CDH12: variants seen among roughly 807,000 people sequenced by gnomAD.
The protein encoded by CDH12 is cadherin 12, also known as cadherin-12.
In CDH12, 41 loss-of-function variants were observed where a neutral mutation model predicts 74.1. The ratio of observed to expected loss-of-function variants is 0.55; its 90% CI spans 0.43 to 0.72. The LOEUF (loss-of-function observed/expected upper bound fraction) is 0.72, where lower values mean the gene tolerates loss of function less well. CDH12 is among the 30% of genes least tolerant of loss of function. CDH12 has a pLI of 0.00. For missense variants in CDH12, 945 were observed against 977.2 expected (o/e 0.97, Z 0.44); for synonymous variants, 399 against 355.0 (o/e 1.12, Z -1.39).
intron 1 of CDH12, among the ~76,000 whole-genome samples, chr5:22,687,866 T>C (rs934892699): frequency 2.1e-4 from 32 of 152,328 alleles, no homozygotes; most frequent in African/African-American, 7.0e-4. Context: ...AACTATGTAA[T>C]CAAAAAGAAC....
chr5:21,971,910 C>T (rs189330334), intron 6 of CDH12, among the ~76,000 whole-genome samples: 21 of 152,240 alleles, frequency 1.4e-4, no homozygotes, highest in Non-Finnish European at 2.6e-4. Context: ...TGATCTTTCT[C>T]TTAAACAATT....
At chr5:22,314,743 G>A (rs989404611) in intron 3 of CDH12, among the ~76,000 whole-genome samples, 4 of 151,952 alleles carry the variant, frequency 2.6e-5, no homozygotes, top group African/African-American at 4.8e-5. Flanking sequence ...ACAAGCTGAT[G>A]CAATGCAATA....
At chr5:22,697,571 C>CAAAA (rs397997008) in intron 1 of CDH12, among the ~76,000 whole-genome samples, 1 of 102,246 alleles carries the variant, frequency 9.8e-6, no homozygotes, top group African/African-American at 3.7e-5. Flanking sequence ...GACTCTGTCT[C>CAAAA]AAAAAAAAAA....
intron 1 of CDH12, among the ~76,000 whole-genome samples, chr5:22,642,662 T>A (rs1180516523): frequency 6.6e-6 from 1 of 152,162 alleles, no homozygotes; most frequent in East Asian, 1.9e-4. Flanking sequence ...TTGACCATTT[T>A]GTTATATTTT....
intron 2 of CDH12, among the ~76,000 whole-genome samples, chr5:22,459,591 C>T (rs1350569636): frequency 2.0e-5 from 3 of 152,132 alleles, no homozygotes; most frequent in Non-Finnish European, 2.9e-5. Flanking sequence ...ACTGACTTTG[C>T]CATAGCAGTA....
intron 3 of CDH12, among the ~76,000 whole-genome samples, chr5:22,282,722 AT>A (rs1736943567): frequency 6.6e-6 from 1 of 152,132 alleles, no homozygotes; most frequent in Non-Finnish European, 1.5e-5. Context: ...AATGATGATC[AT>A]TAAAAGTCAG....
At chr5:21,922,907 T>C (rs1754416577) in intron 6 of CDH12, among the ~76,000 whole-genome samples, 1 of 150,964 alleles carries the variant, frequency 6.6e-6, no homozygotes, top group Non-Finnish European at 1.5e-5. Context: ...TAGTAATAAA[T>C]ACAAGAATAA....
intron 3 of CDH12, among the ~76,000 whole-genome samples, chr5:22,256,023 A>C (rs1441681085): frequency 6.6e-6 from 1 of 152,252 alleles, no homozygotes; most frequent in South Asian, 2.1e-4. Flanking sequence ...CAGTCTTCAA[A>C]CCATCTTATA....
At chr5:22,713,768 G>A (rs1165655181) in intron 1 of CDH12, among the ~76,000 whole-genome samples, 1 of 152,086 alleles carries the variant, frequency 6.6e-6, no homozygotes, top group African/African-American at 2.4e-5. Flanking sequence ...TCAGTGCTTA[G>A]TCTTATAACA....
In CDH12 at chr5:22,435,524, G is replaced by GTATA. The variant is rs1554040614; in HGVS notation, c.-427-30177_-427-30174dup. Among the ~76,000 whole-genome samples the GTATA allele has an allele frequency of 2.3e-3, 345 of 148,792 alleles. 2 individuals are homozygous for GTATA. Among genetic ancestry groups the GTATA allele is most frequent in the South Asian group, 0.017 (79 of 4,672 alleles). On this transcript the variant is annotated intron_variant, in intron 2 of 14. Transcript: ENST00000382254. Reference sequence around the variant, plus strand: ...TGTGTGTGTGTGTGTGTGTGTGTGTGTATATACATATATACTATTAGTTCA... The same window carrying GTATA: ...TGTGTGTGTGTGTGTGTGTGTGTGTGTATATATATACATATATACTATTAGTTCA...
intron 3 of CDH12, among the ~76,000 whole-genome samples, chr5:22,386,504 A>T (rs1233037835): frequency 6.6e-6 from 1 of 152,180 alleles, no homozygotes; most frequent in African/African-American, 2.4e-5. Context: ...GTCTTGAATA[A>T]AGTCTTTCTT....
At chr5:22,502,540 A>C (rs1736215552) in intron 2 of CDH12, among the ~76,000 whole-genome samples, 1 of 152,154 alleles carries the variant, frequency 6.6e-6, no homozygotes, top group Admixed American at 6.6e-5. Flanking sequence ...TAATTTCCTA[A>C]GAAATTATAC....
chr5:22,780,177 G>A (rs1242072458), intron 1 of CDH12, among the ~76,000 whole-genome samples: 1 of 152,106 alleles, frequency 6.6e-6, no homozygotes, highest in Non-Finnish European at 1.5e-5. Context: ...CTTGAGGCCA[G>A]GAGTTCAAGA....
At chr5:22,419,812 G>A (rs980052427) in intron 2 of CDH12, among the ~76,000 whole-genome samples, 9 of 152,118 alleles carry the variant, frequency 5.9e-5, no homozygotes, top group Non-Finnish European at 1.2e-4. Flanking sequence ...ACCAGCATCT[G>A]CTGTTTCTTG....
chr5:22,387,108 C>A (rs956081874), intron 3 of CDH12, among the ~76,000 whole-genome samples: 17 of 151,922 alleles, frequency 1.1e-4, no homozygotes, highest in Non-Finnish European at 2.2e-4. Context: ...TTTCTACAAA[C>A]TGATGAAGTT....
chr5:22,347,815 T>C (rs1740182051), intron 3 of CDH12, among the ~76,000 whole-genome samples: 1 of 152,212 alleles, frequency 6.6e-6, no homozygotes, highest in Admixed American at 6.5e-5. Flanking sequence ...CAGAAAACCT[T>C]TGAAACATCC....
rs370513769 is a variant in CDH12 at position 22,170,229 on chromosome 5, T to A, written c.-187+42269A>T. Among the ~76,000 whole-genome samples, 35 of 151,982 alleles carry A rather than the reference T, an allele frequency of 2.3e-4. No individual in the cohort carries two copies. In the East Asian group the frequency reaches 5.2e-3, roughly 23 times the overall value. ...TCTTGAATATATTTTATTGAAGATA[T>A]CAATATTCAAAGGCAAAAGATAATA... On this transcript the variant is annotated intron_variant, in intron 4 of 14. Transcript: ENST00000382254.
At chr5:21,801,720 A>T (rs1368740303) in intron 10 of CDH12, among the ~76,000 whole-genome samples, 1 of 152,176 alleles carries the variant, frequency 6.6e-6, no homozygotes, top group Non-Finnish European at 1.5e-5. Context: ...ATGACATGCA[A>T]ATTGCAATAA....
At chr5:22,099,498 T>G (rs143833259) in intron 4 of CDH12, among the ~76,000 whole-genome samples, 2 of 152,196 alleles carry the variant, frequency 1.3e-5, no homozygotes, top group Non-Finnish European at 2.9e-5. Context: ...AGCTCCTGTA[T>G]GGACACTCCT....
Sources: gnomAD v4.1 joint callset for allele counts (sites outside exome capture counted in the v4.1 genomes callset) on GRCh38, gnomAD v4.1.1 for gene constraint, MANE v1.5 for transcripts, NCBI Gene and HGNC (gene_info 2026-07-23, HGNC 2026-07-21) for gene names.